KCNQ3: variants seen among roughly 807,000 people sequenced by gnomAD.
The protein encoded by KCNQ3 is potassium voltage-gated channel subfamily KQT member 3.
In KCNQ3, 30 loss-of-function variants were observed where a neutral mutation model predicts 92.5. The ratio of observed to expected loss-of-function variants is 0.32; its 90% CI spans 0.24 to 0.44. The LOEUF (loss-of-function observed/expected upper bound fraction) is 0.44. Among genes scored for constraint, KCNQ3 ranks in the 20% least tolerant of loss-of-function variants. The probability of loss-of-function intolerance (pLI) is 1.00; values close to 1 mark genes in which losing one functional copy is unlikely to be tolerated. For synonymous variants in KCNQ3, 450 were observed against 468.8 expected (o/e 0.96, Z 0.52); for missense variants, 913 against 1,140.3 (o/e 0.80, Z 2.87).
At position 132,125,376 on chromosome 8, in the gene KCNQ3, G is replaced by C. The variant is rs1211238775; in HGVS notation, c.*3886C>G. ...AGAGTTGTTTGCAGGGATGAAATCA[G>C]GTATTTTATTTTCCTGGTAGACATA... On this transcript the variant is annotated 3_prime_UTR_variant, in exon 15 of 15. Transcript: ENST00000388996. The C allele has an allele frequency of 6.6e-6, 1 of 152,148 alleles. No individual in the cohort carries two copies. Among genetic ancestry groups the C allele is most frequent in the Admixed American group, 6.5e-5 (1 of 15,276 alleles). 9.4% of individuals were successfully genotyped at this position (152,148 alleles called of 1,614,324 possible). A position where few individuals can be genotyped will look rare whatever the true frequency, so the allele number is the denominator to read the frequency against.
In KCNQ3 at chr8:132,189,252, T is replaced by C. The variant is rs527565797; in HGVS notation, c.387-3071A>G. ...CATGCCTTGCCTCCAGAGCCTTCCC[T>C]GACCCCAGCTGCTCTCTGCAGGCTC... On this transcript the variant is annotated intron_variant, in intron 1 of 14. Transcript: ENST00000388996. Among the ~76,000 whole-genome samples the C allele has an allele frequency of 3.9e-5, 6 of 152,364 alleles. No individual in the cohort carries two copies. The South Asian group carries it at 1.0e-3, about 26-fold the overall frequency.
rs1824643607 is a variant in KCNQ3, at chr8:132,125,715, TA to T, written c.*3546del. 6.6e-6 allele frequency: 1 copy of T among 152,172 alleles called. No individual in the cohort carries two copies. The highest frequency in any genetic ancestry group is 2.1e-4 in the South Asian group (1 of 4,834). The allele number at this position is 152,172 out of a possible 1,614,324, so 9.4% of individuals were successfully genotyped here. A position where few individuals can be genotyped will look rare whatever the true frequency, so the allele number is the denominator to read the frequency against. On this transcript the variant is annotated 3_prime_UTR_variant, in exon 15 of 15. Coordinates refer to ENST00000388996, the MANE Select transcript of KCNQ3 (RefSeq NM_004519.4). Reference sequence around the variant, plus strand: ...TTGCACAAAATAGACACAGGATGCATAATTGTTGATTAATTAGTTCATTTTA... The same window carrying T: ...TTGCACAAAATAGACACAGGATGCATATTGTTGATTAATTAGTTCATTTTA...
chr8:132,154,929 G>A (rs1825758298), intron 9 of KCNQ3, among the ~76,000 whole-genome samples: 1 of 152,172 alleles, frequency 6.6e-6, no homozygotes, highest in Non-Finnish European at 1.5e-5. Flanking sequence ...AAGGCTTGAA[G>A]GATGAAAGAA....
intron 1 of KCNQ3, among the ~76,000 whole-genome samples, chr8:132,415,998 G>T (rs908327617): frequency 3.3e-5 from 5 of 152,156 alleles, no homozygotes; most frequent in African/African-American, 1.2e-4. Flanking sequence ...ATAACCAGAG[G>T]TTCAGGGAGG....
intron 1 of KCNQ3, among the ~76,000 whole-genome samples, chr8:132,431,305 G>T (rs1048919347): frequency 6.6e-6 from 1 of 152,196 alleles, no homozygotes; most frequent in African/African-American, 2.4e-5. Context: ...GAATCACATT[G>T]TCCCACAGGA....
At chr8:132,292,967 A>G (rs572051331) in intron 1 of KCNQ3, among the ~76,000 whole-genome samples, 1 of 151,658 alleles carries the variant, frequency 6.6e-6, no homozygotes, top group African/African-American at 2.4e-5. Flanking sequence ...TTTTTGTCCA[A>G]TCACATTTCC....
chr8:132,377,233 A>G (rs1344335783), intron 1 of KCNQ3, among the ~76,000 whole-genome samples: 1 of 152,212 alleles, frequency 6.6e-6, no homozygotes, highest in Non-Finnish European at 1.5e-5. Context: ...TGGTTAGGGC[A>G]TCCCTCTTCT....
chr8:132,206,398 C>T (rs943650968), intron 1 of KCNQ3, among the ~76,000 whole-genome samples: 5 of 152,146 alleles, frequency 3.3e-5, no homozygotes, highest in African/African-American at 1.2e-4. Context: ...TTAAAAGAAT[C>T]AATTCACAAA....
In KCNQ3 at chr8:132,122,183, A is replaced by G. The variant is rs1013531567; in HGVS notation, c.*7079T>C. ...CTTCTTACAATGTGTGACCTTTGAC[A>G]AGGTCTTGTCTTCAGTTTCCTCATC... On this transcript the variant is annotated 3_prime_UTR_variant, in exon 15 of 15. Coordinates refer to ENST00000388996, the MANE Select transcript of KCNQ3 (RefSeq NM_004519.4). 4 of 152,178 alleles carry G rather than the reference A, an allele frequency of 2.6e-5. No individual in the cohort carries two copies. The highest frequency in any genetic ancestry group is 9.7e-5 in the African/African-American group (4 of 41,432). 9.4% of individuals were successfully genotyped at this position (152,178 alleles called of 1,614,324 possible). A position where few individuals can be genotyped will look rare whatever the true frequency, so the allele number is the denominator to read the frequency against.
intron 1 of KCNQ3, among the ~76,000 whole-genome samples, chr8:132,376,599 C>A (rs181894921): frequency 1.0e-3 from 158 of 152,326 alleles, no homozygotes; most frequent in African/African-American, 3.7e-3. Context: ...TGCTTTTGTG[C>A]ATATGACTGT....
rs1194414028 is a variant in KCNQ3, at chr8:132,380,669, A to ACCCTCCCT, written c.386+99470_386+99477dup. 8.7e-3 allele frequency among the ~76,000 whole-genome samples: 1,253 copies of ACCCTCCCT among 143,336 alleles called. 12 individuals carry two copies. Among genetic ancestry groups the ACCCTCCCT allele is most frequent in the African/African-American group, 0.03 (1,191 of 39,194 alleles). 94.0% of individuals were successfully genotyped at this position (143,336 alleles called of 152,430 possible). A position where few individuals can be genotyped will look rare whatever the true frequency, so the allele number is the denominator to read the frequency against. On this transcript the variant is annotated intron_variant, in intron 1 of 14. Transcript: ENST00000388996. Reference sequence around the variant, plus strand: ...CCAGACTTACCTTCTGTTTTTTCCCACCCTCCCTCCCTCCCTCCCAGGGAG... The same window carrying ACCCTCCCT: ...CCAGACTTACCTTCTGTTTTTTCCCACCCTCCCTCCCTCCCTCCCTCCCTCCCAGGGAG...
At chr8:132,389,932 G>A (rs2130768558) in intron 1 of KCNQ3, among the ~76,000 whole-genome samples, 1 of 152,276 alleles carries the variant, frequency 6.6e-6, no homozygotes, top group South Asian at 2.1e-4. Context: ...TACAAACTTT[G>A]CAAGCACACA....
intron 1 of KCNQ3, among the ~76,000 whole-genome samples, chr8:132,241,541 A>G (rs567848483): frequency 6.6e-6 from 1 of 151,920 alleles, no homozygotes; most frequent in African/African-American, 2.4e-5. Context: ...TCCTTAGAAA[A>G]ACACTCATTG....
chr8:132,345,504 C>T (rs1423468710), intron 1 of KCNQ3, among the ~76,000 whole-genome samples: 2 of 152,182 alleles, frequency 1.3e-5, no homozygotes, highest in Admixed American at 1.3e-4. Context: ...AGACAGCCAC[C>T]ACACAAATAA....
chr8:132,347,532 T>G (rs546726214), intron 1 of KCNQ3, among the ~76,000 whole-genome samples: 1 of 152,138 alleles, frequency 6.6e-6, no homozygotes, highest in African/African-American at 2.4e-5. Context: ...CAATGGCAAA[T>G]GGTGACAAAT....
intron 1 of KCNQ3, among the ~76,000 whole-genome samples, chr8:132,412,062 T>C (rs1422890020): frequency 1.3e-5 from 2 of 152,198 alleles, no homozygotes; most frequent in African/African-American, 4.8e-5. Flanking sequence ...GTTCACCCCA[T>C]GGCACCCCAG....
At chr8:132,326,207 C>A (rs935562806) in intron 1 of KCNQ3, among the ~76,000 whole-genome samples, 11 of 152,114 alleles carry the variant, frequency 7.2e-5, no homozygotes, top group Non-Finnish European at 2.9e-5. Flanking sequence ...CAGAAGGTGG[C>A]GTGACATACA....
chr8:132,208,757 A>T (rs62519644), intron 1 of KCNQ3, among the ~76,000 whole-genome samples: 5,401 of 152,260 alleles, frequency 0.035, 161 homozygotes, highest in Non-Finnish European at 0.053. Flanking sequence ...TAATGGGTCT[A>T]ATCAAAAGAC....
intron 1 of KCNQ3, among the ~76,000 whole-genome samples, chr8:132,358,262 C>G (rs569766413): frequency 2.0e-5 from 3 of 152,318 alleles, no homozygotes; most frequent in Non-Finnish European, 4.4e-5. Context: ...TTAGAGTTTC[C>G]TGCAGCATTT....
Sources: allele counts gnomAD v4.1 joint callset (sites outside exome capture counted in the v4.1 genomes callset), GRCh38; gene constraint gnomAD v4.1.1; transcripts MANE v1.5; gene names NCBI Gene and HGNC (gene_info 2026-07-23, HGNC 2026-07-21).